MMD: variants seen among roughly 807,000 people sequenced by gnomAD.
MMD encodes monocyte to macrophage differentiation associated, also known as monocyte to macrophage differentiation factor.
In MMD, 22 loss-of-function variants were observed where a neutral mutation model predicts 33.6. The observed-to-expected ratio is 0.66, with a 90% CI of 0.47 to 0.94. The LOEUF is 0.94. Ranked by LOEUF, MMD falls within the 40% of genes least tolerant of loss-of-function variation. The probability of loss-of-function intolerance (pLI) is 0.00; values close to 1 mark genes in which losing one functional copy is unlikely to be tolerated. For synonymous variants in MMD, 97 were observed against 103.2 expected, an observed-to-expected ratio of 0.94 and a Z score of 0.36; for missense variants, 242 against 309.8, an observed-to-expected ratio of 0.78 and a Z score of 1.64.
Position 55,394,251 on chromosome 17 carries a change from T to C in MMD, c.*83A>G, listed in dbSNP as rs973366757. 18 of 1,007,262 alleles carry C rather than the reference T, an allele frequency of 1.8e-5. No homozygotes were observed. The highest frequency in any genetic ancestry group is 1.7e-5 in the Non-Finnish European group (13 of 743,812). 62.4% of individuals were successfully genotyped at this position (1,007,262 alleles called of 1,614,324 possible). A position where few individuals can be genotyped will look rare whatever the true frequency, so the allele number is the denominator to read the frequency against. Reference sequence around the variant, plus strand: ...AGTCAGTGCAGTTATTTTTTTTCTTTCCCTGTGCAATGTTTAGCTCTCACC... The same window carrying C: ...AGTCAGTGCAGTTATTTTTTTTCTTCCCCTGTGCAATGTTTAGCTCTCACC... On this transcript the variant is annotated 3_prime_UTR_variant, in exon 7 of 7. Transcript: ENST00000262065.
Position 55,414,173 on chromosome 17 carries a change from G to C in MMD, c.86C>G (p.Ala29Gly). 3.1e-6 allele frequency: 5 copies of C among 1,613,898 alleles called. No homozygotes were observed. Among genetic ancestry groups the C allele is most frequent in the Non-Finnish European group, 3.4e-6 (4 of 1,179,806 alleles). ...CACTGCGTGTGTGTAACAGTTAGCA[G>C]CATGTTCATAGCAAGTTGGCTTGTA... ...GRYKPTCYEH[A>G]ANCYTHAFLI... is the part of the protein sequence containing the mutation. Residue 29 changes from alanine to glycine, a missense_variant, in exon 2 of 7, where the codon GCT becomes GGT. By Grantham distance (60) the Ala-to-Gly change is moderately conservative. Transcript: ENST00000262065.
chr17:55,396,420 C>T (rs911753700), intron 6 of MMD, among the ~76,000 whole-genome samples: 2 of 152,148 alleles, frequency 1.3e-5, no homozygotes, highest in African/African-American at 2.4e-5. Flanking sequence ...TACCTAATTA[C>T]TGATATGGTT....
At chr17:55,416,193 G>A (rs1008561895) in intron 1 of MMD, among the ~76,000 whole-genome samples, 7 of 152,298 alleles carry the variant, frequency 4.6e-5, no homozygotes, top group Middle Eastern at 3.4e-3. Flanking sequence ...GGTGCAGTAA[G>A]TAGGATTTGT....
intron 1 of MMD, 81 bp from the exon 2 acceptor site, chr17:55,414,313 G>T: frequency 7.7e-7 from 1 of 1,302,550 alleles, no homozygotes; most frequent in Non-Finnish European, 1.1e-6. Flanking sequence ...TGGGTATGTG[G>T]TCTATTCTAC....
In MMD at chr17:55,394,462, T is replaced by G. The variant is rs1907027394; in HGVS notation, c.589A>C (p.Ser197Arg). 1 of 1,548,068 alleles carries G rather than the reference T, an allele frequency of 6.5e-7. No homozygotes were observed. Among genetic ancestry groups the G allele is most frequent in the South Asian group, 1.2e-5 (1 of 80,854 alleles). The change falls in exon 7 of 7, where the codon AGT becomes CGT. Residue 197 changes from serine to arginine, a missense_variant. Physicochemically the swap from Ser to Arg is moderately radical, Grantham distance 110. Transcript: ENST00000262065. ...TGGGCAAATGGAATGATGCCATCACTCTTGAAGAACACAACTCCCAAGCAA... is the reference window on the plus strand; with the variant it reads ...TGGGCAAATGGAATGATGCCATCACGCTTGAAGAACACAACTCCCAAGCAA... The part of the protein sequence containing the change: ...IYCLGVVFFK[S>R]DGIIPFAHAI...
intron 1 of MMD, among the ~76,000 whole-genome samples, chr17:55,418,715 G>A (rs1012625534): frequency 1.3e-5 from 2 of 152,202 alleles, no homozygotes; most frequent in Admixed American, 6.5e-5. Flanking sequence ...TATATAAGGA[G>A]ACTACCCCAT....
chr17:55,400,273 C>T (rs756648185), intron 6 of MMD, among the ~76,000 whole-genome samples: 2 of 152,142 alleles, frequency 1.3e-5, no homozygotes, highest in Non-Finnish European at 2.9e-5. Context: ...TACAGCCAGG[C>T]GTGATGGCTT....
Position 55,401,063 on chromosome 17 carries a change from G to T in MMD, c.516+406C>A, listed in dbSNP as rs546407886. Among the ~76,000 whole-genome samples the T allele has an allele frequency of 2.6e-5, 4 of 152,310 alleles. No homozygotes were observed. The East Asian group carries it at 7.7e-4, about 29-fold the overall frequency. ...TGAACCTATTCTGGTTCTGATTCAG[G>T]AAAGTACCATAAAGACAGAAACATA... On this transcript the variant is annotated intron_variant, in intron 6 of 6. Transcript: ENST00000262065.
At chr17:55,402,929 C>T (rs1263456259) in intron 5 of MMD, among the ~76,000 whole-genome samples, 2 of 152,152 alleles carry the variant, frequency 1.3e-5, no homozygotes, top group African/African-American at 2.4e-5. Flanking sequence ...CTGATAAACA[C>T]AAATTATGTT....
intron 4 of MMD, 35 bp downstream of exon 4, chr17:55,407,711 T>A (rs1907610390): frequency 6.4e-7 from 1 of 1,569,498 alleles, no homozygotes; most frequent in Non-Finnish European, 8.7e-7. Context: ...AATCATAAAA[T>A]CACTACCTTC....
Position 55,411,436 on chromosome 17 carries a change from A to G in MMD, c.109-19T>C. ...TGAGGAACTGAGGGAAAGATAAAGA[A>G]TGGTGAATGGAATATTCTGGCTTTT... On this transcript the variant is annotated intron_variant, in intron 2 of 6. Coordinates refer to ENST00000262065, the MANE Select transcript of MMD (RefSeq NM_012329.3). 6.2e-7 allele frequency: 1 copy of G among 1,601,996 alleles called. No homozygotes were observed. Among genetic ancestry groups the G allele is most frequent in the Non-Finnish European group, 8.5e-7 (1 of 1,175,476 alleles).
Position 55,421,830 on chromosome 17 carries a change from C to G in MMD, c.-135G>C, listed in dbSNP as rs372563144. On this transcript the variant is annotated 5_prime_UTR_variant, in exon 1 of 7. Transcript: ENST00000262065. ...GCGGAACCCTTCGGCCGGGTAGGGT[C>G]GGAGTGGGCCAGGCCGGGGGTCGGG... The G allele has an allele frequency of 2.0e-5, 16 of 795,208 alleles. No individual in the cohort carries two copies. The highest frequency in any genetic ancestry group is 3.7e-5 in the South Asian group (2 of 53,648). The allele number at this position is 795,208 out of a possible 1,614,324, so 49.3% of individuals were successfully genotyped here. A position where few individuals can be genotyped will look rare whatever the true frequency, so the allele number is the denominator to read the frequency against.
chr17:55,412,193 A>G (rs545487547), intron 2 of MMD, among the ~76,000 whole-genome samples: 13 of 152,240 alleles, frequency 8.5e-5, no homozygotes, highest in Non-Finnish European at 1.8e-4. Flanking sequence ...AAATCAAGTA[A>G]TAGGTATTAT....
chr17:55,413,865 G>A (rs905143644), intron 2 of MMD, among the ~76,000 whole-genome samples: 4 of 152,140 alleles, frequency 2.6e-5, no homozygotes, highest in African/African-American at 9.7e-5. Flanking sequence ...ATAAATAGGT[G>A]TCTTTGGTTT....
chr17:55,406,456 G>A (rs1191145848), intron 4 of MMD, among the ~76,000 whole-genome samples: 2 of 152,130 alleles, frequency 1.3e-5, no homozygotes, highest in Admixed American at 6.6e-5. Flanking sequence ...AGCTACTCGA[G>A]AGGCTGAGGC....
At position 55,403,802 on chromosome 17, in the gene MMD, A is replaced by G; in HGVS notation, c.411T>C (p.Ala137=). Residue 137 remains alanine (A), a synonymous_variant, in exon 5 of 7, where the codon GCT becomes GCC. Coordinates refer to ENST00000262065, the MANE Select transcript of MMD (RefSeq NM_012329.3). ...HMRWFIWLMA[A]GGTIYVFLYH... ...AGAGAAATACATAAATGGTTCCTCC[A>G]GCTGCCATGAGCCAGATAAACCAAC... 4 of 1,613,670 alleles carry G rather than the reference A, an allele frequency of 2.5e-6. No homozygotes were observed. Among genetic ancestry groups the G allele is most frequent in the Non-Finnish European group, 3.4e-6 (4 of 1,179,790 alleles).
chr17:55,407,323 T>TAAAC (rs1434375071), intron 4 of MMD, among the ~76,000 whole-genome samples: 2 of 150,862 alleles, frequency 1.3e-5, no homozygotes, highest in African/African-American at 4.9e-5. Context: ...AATAAATAAA[T>TAAAC]AAATAAATAA....
intron 1 of MMD, chr17:55,420,581 TG>T (rs1275206785): frequency 1.3e-5 from 2 of 151,530 alleles, no homozygotes; most frequent in Non-Finnish European, 2.9e-5. Flanking sequence ...GCATGGAGAT[TG>T]GAAAGAAAAA....
chr17:55,398,975 G>A (rs775098017), intron 6 of MMD, among the ~76,000 whole-genome samples: 18 of 152,146 alleles, frequency 1.2e-4, no homozygotes, highest in Admixed American at 3.3e-4. Flanking sequence ...TCTGGACAAC[G>A]ACTCACGGAA....
Sources: allele counts gnomAD v4.1 joint callset (sites outside exome capture counted in the v4.1 genomes callset), GRCh38; gene constraint gnomAD v4.1.1; transcripts MANE v1.5; gene names NCBI Gene and HGNC (gene_info 2026-07-23, HGNC 2026-07-21).